ARHGAP15: variants seen among roughly 807,000 people sequenced by gnomAD.
ARHGAP15 encodes the protein Rho GTPase activating protein 15.
A neutral mutation model predicts 63.7 loss-of-function variants in ARHGAP15; 51 were observed. The observed-to-expected ratio is 0.80, with a 90% confidence interval of 0.64 to 1.01. The LOEUF is 1.01. ARHGAP15 is among the 50% of genes least tolerant of loss of function. The pLI is 0.00. For synonymous variants in ARHGAP15, 191 were observed against 193.8 expected (o/e 0.99, Z 0.12); for missense variants, 560 against 564.6 (o/e 0.99, Z 0.08).
chr2:143,263,976 T>A (rs905800520), intron 6 of ARHGAP15, among the ~76,000 whole-genome samples: 5 of 128,348 alleles, frequency 3.9e-5, no homozygotes, highest in African/African-American at 5.7e-5. Flanking sequence ...AACCCATCCA[T>A]GAATCAGGCT....
chr2:143,406,489 A>G (rs546223153), intron 6 of ARHGAP15, among the ~76,000 whole-genome samples: 3 of 152,048 alleles, frequency 2.0e-5, no homozygotes, highest in Non-Finnish European at 4.4e-5. Flanking sequence ...ATATGTGTAG[A>G]CAATTGTGTT....
chr2:143,231,283 A>G (rs1182406779), intron 5 of ARHGAP15, among the ~76,000 whole-genome samples: 2 of 152,154 alleles, frequency 1.3e-5, no homozygotes, highest in African/African-American at 2.4e-5. Flanking sequence ...AACATATTCT[A>G]TAGTACACAA....
chr2:143,209,024 T>A (rs1014622961), intron 3 of ARHGAP15, among the ~76,000 whole-genome samples: 2 of 152,114 alleles, frequency 1.3e-5, no homozygotes, highest in African/African-American at 4.8e-5. Context: ...TTCTACCTTT[T>A]AGAGCCAGAT....
chr2:143,731,866 C>T (rs867004695), intron 13 of ARHGAP15, among the ~76,000 whole-genome samples: 2 of 152,194 alleles, frequency 1.3e-5, no homozygotes, highest in Non-Finnish European at 2.9e-5. Flanking sequence ...TCATTATTAT[C>T]CTCAATTTAT....
At chr2:143,611,848 T>G (rs531521059) in intron 11 of ARHGAP15, among the ~76,000 whole-genome samples, 1 of 152,320 alleles carries the variant, frequency 6.6e-6, no homozygotes, top group South Asian at 2.1e-4. Context: ...AACAATAGTT[T>G]TCTTTGGTTC....
intron 6 of ARHGAP15, among the ~76,000 whole-genome samples, chr2:143,416,967 A>G (rs558311136): frequency 8.5e-5 from 13 of 152,128 alleles, no homozygotes; most frequent in African/African-American, 3.1e-4. Flanking sequence ...TTCGCTTTTC[A>G]GGGATTCTGG....
At chr2:143,559,998 G>C (rs1181967247) in intron 11 of ARHGAP15, among the ~76,000 whole-genome samples, 1 of 152,194 alleles carries the variant, frequency 6.6e-6, no homozygotes, top group African/African-American at 2.4e-5. Flanking sequence ...CCCACTGTTA[G>C]ACTAGACAAA....
chr2:143,327,349 T>G (rs1386272644), intron 6 of ARHGAP15, among the ~76,000 whole-genome samples: 1 of 152,180 alleles, frequency 6.6e-6, no homozygotes, highest in Admixed American at 6.5e-5. Context: ...TCAATGCTAT[T>G]CCTATCAAGC....
intron 11 of ARHGAP15, among the ~76,000 whole-genome samples, chr2:143,572,311 C>A (rs190417031): frequency 6.6e-6 from 1 of 152,280 alleles, no homozygotes; most frequent in East Asian, 1.9e-4. Flanking sequence ...CTTCATTTCA[C>A]CCCTGTCCTC....
At position 143,624,199 on chromosome 2, in the gene ARHGAP15, T is replaced by C. The variant is rs779443910; in HGVS notation, c.1070T>C (p.Met357Thr). Residue 357 changes from methionine (M) to threonine (T), a missense_variant, in exon 12 of 14, where the codon ATG becomes ACG. Met to Thr is a moderately conservative substitution (Grantham distance 81, BLOSUM62 -1). Coordinates refer to ENST00000295095, the MANE Select transcript of ARHGAP15 (RefSeq NM_018460.4). The part of the protein sequence containing the change: ...DIHVVTGALK[M>T]FFRELPEPLF... ...CACGTTGTCACCGGAGCACTGAAGA[T>C]GTTTTTCCGGGAGCTGCCTGAGCCG... is the stretch of plus-strand genomic sequence containing the variant. 1.2e-6 allele frequency: 2 copies of C among 1,613,630 alleles called. No individual in the cohort carries two copies.
chr2:143,250,033 C>A (rs1165026032), intron 5 of ARHGAP15, among the ~76,000 whole-genome samples: 1 of 152,024 alleles, frequency 6.6e-6, no homozygotes, highest in African/African-American at 2.4e-5. Flanking sequence ...TAGTCAGATT[C>A]TAAGCAACTC....
intron 12 of ARHGAP15, among the ~76,000 whole-genome samples, chr2:143,699,417 A>G (rs1477124896): frequency 6.6e-6 from 1 of 152,188 alleles, no homozygotes; most frequent in Non-Finnish European, 1.5e-5. Flanking sequence ...TGCATGCACC[A>G]ATATCCAATT....
At chr2:143,365,134 GT>G (rs1250353584) in intron 6 of ARHGAP15, among the ~76,000 whole-genome samples, 1 of 152,174 alleles carries the variant, frequency 6.6e-6, no homozygotes, top group Non-Finnish European at 1.5e-5. Context: ...GAAAAGAAAT[GT>G]TCTAAAGTTC....
intron 12 of ARHGAP15, among the ~76,000 whole-genome samples, chr2:143,642,724 G>A (rs946636389): frequency 6.6e-6 from 1 of 152,100 alleles, no homozygotes; most frequent in Non-Finnish European, 1.5e-5. Context: ...TCTACAGAAG[G>A]GAGAGACAAA....
chr2:143,398,350 T>C (rs7608439), intron 6 of ARHGAP15, among the ~76,000 whole-genome samples: 123,152 of 152,084 alleles, frequency 0.81, 50,095 homozygotes, highest in East Asian at 0.94. Context: ...GCTTTCAGCT[T>C]TGAGCTTTTG....
chr2:143,682,712 G>C (rs1683160977), intron 12 of ARHGAP15: 1 of 152,098 alleles, frequency 6.6e-6, no homozygotes, highest in Non-Finnish European at 1.5e-5. Context: ...AATCTCATTA[G>C]CAGAGGACAC....
chr2:143,553,894 TTCAAAA>T (rs1019177075), intron 10 of ARHGAP15, among the ~76,000 whole-genome samples: 1 of 152,178 alleles, frequency 6.6e-6, no homozygotes, highest in African/African-American at 2.4e-5. Context: ...GAGTGCTAAC[TTCAAAA>T]TCAAGACATG....
At chr2:143,647,728 T>C (rs1265738618) in intron 12 of ARHGAP15, among the ~76,000 whole-genome samples, 1 of 152,012 alleles carries the variant, frequency 6.6e-6, no homozygotes, top group African/African-American at 2.4e-5. Flanking sequence ...CAAACATACG[T>C]CGCTTTATAT....
intron 12 of ARHGAP15, among the ~76,000 whole-genome samples, chr2:143,683,950 G>A (rs1235727933): frequency 1.3e-5 from 2 of 152,094 alleles, no homozygotes; most frequent in African/African-American, 4.8e-5. Context: ...GGATAGCAAG[G>A]TTATACCAAT....
Sources: allele counts gnomAD v4.1 joint callset (sites outside exome capture counted in the v4.1 genomes callset), GRCh38; gene constraint gnomAD v4.1.1; transcripts MANE v1.5; gene names NCBI Gene and HGNC (gene_info 2026-07-23, HGNC 2026-07-21).